HMCN2: variants seen among roughly 807,000 people sequenced by gnomAD.
HMCN2 encodes hemicentin 2, also known as hemicentin-2.
A neutral mutation model predicts 377.5 loss-of-function variants in HMCN2; 325 were observed. The observed-to-expected ratio is 0.86, with a 90% CI of 0.79 to 0.94. HMCN2 has a LOEUF of 0.94. Among genes scored for constraint, HMCN2 ranks in the 40% least tolerant of loss-of-function variants. The pLI is 0.00. For synonymous variants in HMCN2, 2,007 were observed against 2,046.8 expected (o/e 0.98, Z 0.53); for missense variants, 4,543 against 4,725.3 (o/e 0.96, Z 1.13).
chr9:130,277,910 C>CCACCACCACCATCATCATCAT (rs1834836946), intron 1 of HMCN2, among the ~76,000 whole-genome samples: 1 of 14,724 alleles, frequency 6.8e-5, no homozygotes, highest in Non-Finnish European at 1.0e-4. Flanking sequence ...ATCATCATCA[C>CCACCACCACCATCATCATCAT]CACCACCACC....
intron 53 of HMCN2, among the ~76,000 whole-genome samples, 167 bp downstream of exon 53, chr9:130,377,966 C>G (rs1841485034): frequency 6.6e-6 from 1 of 152,222 alleles, no homozygotes. Context: ...CCCAACCCCT[C>G]TGCCTTGAGG....
At chr9:130,310,817 C>T (rs1837208529) in intron 15 of HMCN2, among the ~76,000 whole-genome samples, 1 of 152,154 alleles carries the variant, frequency 6.6e-6, no homozygotes, top group Non-Finnish European at 1.5e-5. Flanking sequence ...ATGCCTTGGT[C>T]ATGCCATGGA....
chr9:130,426,716 C>G (rs1844396240), intron 90 of HMCN2, among the ~76,000 whole-genome samples: 1 of 152,070 alleles, frequency 6.6e-6, no homozygotes, highest in Non-Finnish European at 1.5e-5. Flanking sequence ...TGCGGCCCAA[C>G]ACAAATTTAT....
At position 130,433,632 on chromosome 9, in the gene HMCN2, C is replaced by A. The variant is rs868822605; in HGVS notation, c.15179C>A (p.Ala5060Glu). 1.3e-6 allele frequency: 2 copies of A among 1,521,186 alleles called. No homozygotes were observed. Among genetic ancestry groups the A allele is most frequent in the Middle Eastern group, 1.7e-4 (1 of 5,904 alleles). 94.2% of individuals were successfully genotyped at this position (1,521,186 alleles called of 1,614,324 possible). A position where few individuals can be genotyped will look rare whatever the true frequency, so the allele number is the denominator to read the frequency against. Residue 5060 changes from alanine (A) to glutamate (E), a missense_variant, in exon 98 of 98, where the codon GCG becomes GAG. Ala to Glu is a moderately radical substitution (Grantham distance 107). Around this residue, in one of 5 missense-constraint regions of HMCN2, gnomAD observed 1,155 missense variants for 1,157.7 expected, o/e 1.00. Transcript: ENST00000683500. ...AGLYRLTVRAAAPRHQSVFVL... is the reference protein window; with the variant it reads ...AGLYRLTVRAEAPRHQSVFVL... ...CTCTACCGGCTCACCGTGCGTGCTG[C>A]GGCACCGCGCCACCAAAGCGTCTTC...
rs908085700 is a variant in HMCN2, at chr9:130,330,234, C to T, written c.3359+2759C>T. ...CTCCCCCCTCCCCTGCTCCCTTGCT[C>T]CTCTTCCCTGCTGAGCTGCCCCAAG... On this transcript the variant is annotated intron_variant, in intron 22 of 97. Transcript: ENST00000683500. Among the ~76,000 whole-genome samples, 557 of 152,306 alleles carry T rather than the reference C, an allele frequency of 3.7e-3. 3 individuals are homozygous for T. Among genetic ancestry groups the T allele is most frequent in the African/African-American group, 0.013 (529 of 41,564 alleles).
At position 130,277,859 on chromosome 9, in the gene HMCN2, C is replaced by T. The variant is rs1214947233; in HGVS notation, c.260-6744C>T. Among the ~76,000 whole-genome samples, 11 of 24,486 alleles carry T rather than the reference C, an allele frequency of 4.5e-4. 1 individual carries two copies. Among genetic ancestry groups the T allele is most frequent in the African/African-American group, 1.0e-3 (6 of 5,804 alleles). The allele number at this position is 24,486 out of a possible 152,430, so 16.1% of individuals were successfully genotyped here. A position where few individuals can be genotyped will look rare whatever the true frequency, so the allele number is the denominator to read the frequency against. On this transcript the variant is annotated intron_variant, in intron 1 of 97. Transcript: ENST00000683500. ...ATCATCATCATCACCACCACCACCA[C>T]CATCATCATCATCACCACCACCATC...
In HMCN2 at chr9:130,352,962, G is replaced by A. The variant is rs1363905457; in HGVS notation, c.4621G>A (p.Glu1541Lys). The A allele has an allele frequency of 1.8e-5, 24 of 1,301,102 alleles. No homozygotes were observed. The highest frequency in any genetic ancestry group is 8.7e-5 in the South Asian group (7 of 80,644). The allele number at this position is 1,301,102 out of a possible 1,614,324, so 80.6% of individuals were successfully genotyped here. ...PTIWGSNETG[E>K]VAVMEDHLVQ... ...TATCTGGGGCTCCAACGAGACAGGC[G>A]AGGTGGCCGTCATGGAGGACCACCT... The change falls in exon 31 of 98, where the codon GAG becomes AAG. Residue 1541 changes from glutamate (E) to lysine (K), a missense_variant. By Grantham distance (56) the Glu-to-Lys change is moderately conservative. Coordinates refer to ENST00000683500, the MANE Select transcript of HMCN2 (RefSeq NM_001291815.2).
At chr9:130,426,952 C>T (rs1439348213) in intron 90 of HMCN2, among the ~76,000 whole-genome samples, 2 of 152,134 alleles carry the variant, frequency 1.3e-5, no homozygotes, top group Non-Finnish European at 2.9e-5. Context: ...TTTTGCTGCC[C>T]GTCTGACGCT....
intron 1 of HMCN2, 118 bp downstream of exon 1, chr9:130,266,255 G>A: frequency 2.8e-6 from 1 of 357,010 alleles, no homozygotes; most frequent in Non-Finnish European, 5.5e-6. Context: ...CGGCTTGGCG[G>A]GCGCGCCTTC....
At chr9:130,402,049 C>T (rs1006750494) in intron 77 of HMCN2, among the ~76,000 whole-genome samples, 3 of 152,194 alleles carry the variant, frequency 2.0e-5, no homozygotes, top group Admixed American at 6.5e-5. Context: ...TGTACTCCAG[C>T]CTGGGCAACA....
Position 130,402,843 on chromosome 9 carries a change from C to T in HMCN2, c.11825C>T (p.Ser3942Leu). The stretch of plus-strand genomic sequence containing the variant: ...ATCCACGCAGGCCGCTACACCTGCT[C>T]AGCCCGCAACTCTGCCGGCGTAGCC... ...LPIHAGRYTC[S>L]ARNSAGVAHK... Residue 3942 changes from serine to leucine, a missense_variant, in exon 78 of 98, where the codon TCA (serine) becomes TTA (leucine). This residue lies in a region of HMCN2 where 1,073 missense variants were observed against 1,319.5 expected (regional missense o/e 0.81). Coordinates refer to ENST00000683500, the MANE Select transcript of HMCN2 (RefSeq NM_001291815.2). The T allele has an allele frequency of 7.8e-7, 1 of 1,289,782 alleles. No homozygotes were observed. 79.9% of individuals were successfully genotyped at this position (1,289,782 alleles called of 1,614,324 possible). A position where few individuals can be genotyped will look rare whatever the true frequency, so the allele number is the denominator to read the frequency against.
rs1175823054 is a variant in HMCN2, at chr9:130,394,025, C to G, written c.10501+17C>G. ...CCGTCATGGGTGGGTCCTCTGGCCTCTGGCCAGCTTCTCTGGGCTCGGGGG... is the reference window on the plus strand; with the variant it reads ...CCGTCATGGGTGGGTCCTCTGGCCTGTGGCCAGCTTCTCTGGGCTCGGGGG... On this transcript the variant is annotated intron_variant, in intron 68 of 97. Coordinates refer to ENST00000683500, the MANE Select transcript of HMCN2 (RefSeq NM_001291815.2). The surrounding 1 kb of genome is among the most constrained non-coding windows in gnomAD (Gnocchi z 5.1). 5 of 1,220,606 alleles carry G rather than the reference C, an allele frequency of 4.1e-6. No individual in the cohort carries two copies. The highest frequency in any genetic ancestry group is 5.2e-6 in the Non-Finnish European group (5 of 957,886). 75.6% of individuals were successfully genotyped at this position (1,220,606 alleles called of 1,614,324 possible).
intron 1 of HMCN2, among the ~76,000 whole-genome samples, chr9:130,281,590 T>C (rs1272937303): frequency 9.9e-6 from 1 of 100,908 alleles, no homozygotes; most frequent in Non-Finnish European, 1.9e-5. Flanking sequence ...GGAGTGAGAC[T>C]CAGTCTCAAA....
chr9:130,418,699 C>G, intron 85 of HMCN2, 73 bp from the exon 86 acceptor site: 2 of 1,283,516 alleles, frequency 1.6e-6, no homozygotes, highest in Non-Finnish European at 2.0e-6. Context: ...CCCAGTGTGT[C>G]TAAATGAACA....
At chr9:130,401,078 C>A in intron 77 of HMCN2, 131 bp downstream of exon 77, 1 of 758,766 alleles carries the variant, frequency 1.3e-6, no homozygotes, top group Non-Finnish European at 1.8e-6. Flanking sequence ...GGCTGTGTGA[C>A]CTGGGAGGAC....
rs1286770375 is a variant in HMCN2, at chr9:130,422,903, C to T, written c.13381+177C>T. Among the ~76,000 whole-genome samples, 3 of 152,226 alleles carry T rather than the reference C, an allele frequency of 2.0e-5. No individual in the cohort carries two copies. The highest frequency in any genetic ancestry group is 4.4e-5 in the Non-Finnish European group (3 of 68,048). ...AGCTGAGTGCAATCCAAAGTGGACT[C>T]AGATGCAGGCAACTTCCTGTCCCCC... On this transcript the variant is annotated intron_variant, in intron 87 of 97. Coordinates refer to ENST00000683500, the MANE Select transcript of HMCN2 (RefSeq NM_001291815.2). The surrounding 1 kb of genome is among the most constrained non-coding windows in gnomAD (Gnocchi z 4.2).
chr9:130,343,799 G>C (rs1408072448), intron 25 of HMCN2, among the ~76,000 whole-genome samples: 1 of 152,248 alleles, frequency 6.6e-6, no homozygotes, highest in African/African-American at 2.4e-5. Flanking sequence ...CTGGTCAGGA[G>C]GGCCTTGTTT....
chr9:130,377,810 C>A lies in HMCN2; in HGVS notation c.8212+11C>A, dbSNP rs1304277691. 1 of 985,864 alleles carries A rather than the reference C, an allele frequency of 1.0e-6. No individual in the cohort carries two copies. The highest frequency in any genetic ancestry group is 1.2e-6 in the Non-Finnish European group (1 of 830,006). The allele number at this position is 985,864 out of a possible 1,614,324, so 61.1% of individuals were successfully genotyped here. The stretch of plus-strand genomic sequence containing the variant: ...ACGTGCTCATCCAGGGTGCGTGGCG[C>A]CAGTGGGCCAGGGGTGGGGCGTCAG... On this transcript the variant is annotated intron_variant, in intron 53 of 97. Coordinates refer to ENST00000683500, the MANE Select transcript of HMCN2 (RefSeq NM_001291815.2).
chr9:130,391,654 A>G (rs1842328743), intron 65 of HMCN2, 80 bp downstream of exon 65: 1 of 981,500 alleles, frequency 1.0e-6, no homozygotes, highest in Non-Finnish European at 1.2e-6. Context: ...CAAAGCCCAC[A>G]CTGTGTCCTG....
Sources: gnomAD v4.1 joint callset for allele counts (sites outside exome capture counted in the v4.1 genomes callset) on GRCh38, gnomAD v4.1.1 for gene constraint, gnomAD v4.1.1 regional missense constraint, Gnocchi (gnomAD v3.1) non-coding constraint, MANE v1.5 for transcripts, NCBI Gene and HGNC (gene_info 2026-07-23, HGNC 2026-07-21) for gene names.